The following SCARF1 variants were observed in gnomAD, a reference collection of about 807,000 sequenced individuals.
SCARF1 encodes scavenger receptor class F member 1.
Under a neutral mutation model 76.3 loss-of-function variants are expected in SCARF1, and 49 were observed. That is an observed-to-expected ratio of 0.64 (90% CI 0.51 to 0.81). The LOEUF (loss-of-function observed/expected upper bound fraction) is 0.81, where lower values mean the gene tolerates loss of function less well. Among genes scored for constraint, SCARF1 ranks in the 40% least tolerant of loss-of-function variants. The probability of loss-of-function intolerance (pLI) is 0.00; values close to 1 mark genes in which losing one functional copy is unlikely to be tolerated. For missense variants in SCARF1, 1,098 were observed against 1,143.9 expected (o/e 0.96, Z 0.58); for synonymous variants, 495 against 474.6 (o/e 1.04, Z -0.56).
chr17:1,634,249 C>T lies in SCARF1; in HGVS notation c.*509G>A, dbSNP rs1028275822. ...TAAATATACAAAAAAATTAGCCAAG[C>T]GTGGTGGAGGGCACCTGTAGTCCCA... On this transcript the variant is annotated 3_prime_UTR_variant, in exon 11 of 11. Coordinates refer to ENST00000263071, the MANE Select transcript of SCARF1 (RefSeq NM_003693.4). 5 of 178,172 alleles carry T rather than the reference C, an allele frequency of 2.8e-5. No individual in the cohort carries two copies. The highest frequency in any genetic ancestry group is 9.4e-5 in the African/African-American group (4 of 42,406). 11.0% of individuals were successfully genotyped at this position (178,172 alleles called of 1,614,324 possible).
Position 1,636,711 on chromosome 17 carries a change from T to G in SCARF1, c.1631A>C (p.Glu544Ala). ...TATGTGGGCTGTTGGGGGGCTACCT[T>G]CTTGGGGTGGCACACAGTAGGCAGG... ...EVPAYCVPPQ[E>A]GMVPVAQAGS... is the part of the protein sequence containing the mutation. Residue 544 changes from glutamate to alanine, a missense_variant and splice_region_variant, in exon 10 of 11, where the codon GAA (glutamate) becomes GCA (alanine). Glu to Ala is a moderately radical substitution (Grantham distance 107, BLOSUM62 -1). Coordinates refer to ENST00000263071, the MANE Select transcript of SCARF1 (RefSeq NM_003693.4). The G allele has an allele frequency of 6.2e-7, 1 of 1,613,744 alleles. No individual in the cohort carries two copies. Among genetic ancestry groups the G allele is most frequent in the East Asian group, 2.2e-5 (1 of 44,866 alleles).
In SCARF1 at chr17:1,634,105, T is replaced by A. The variant is rs1299191091; in HGVS notation, c.*653A>T. ...ACATACATCCTTTTTAAAAAGTTCA[T>A]AGACCAGGCGTGGTGGCTCATGCCT... On this transcript the variant is annotated 3_prime_UTR_variant, in exon 11 of 11. Transcript: ENST00000263071. 1 of 152,418 alleles carries A rather than the reference T, an allele frequency of 6.6e-6. No homozygotes were observed. The highest frequency in any genetic ancestry group is 1.5e-5 in the Non-Finnish European group (1 of 68,204). The allele number at this position is 152,418 out of a possible 1,614,324, so 9.4% of individuals were successfully genotyped here. A position where few individuals can be genotyped will look rare whatever the true frequency, so the allele number is the denominator to read the frequency against.
At chr17:1,643,042 T>C (rs1280178132) in intron 4 of SCARF1, among the ~76,000 whole-genome samples, 11 of 152,126 alleles carry the variant, frequency 7.2e-5, no homozygotes, top group South Asian at 2.1e-4. Context: ...GTATGTTTTT[T>C]GAGAGGAGCA....
chr17:1,642,922 G>A (rs1041059116), intron 4 of SCARF1, among the ~76,000 whole-genome samples: 2 of 152,076 alleles, frequency 1.3e-5, no homozygotes. Context: ...GGATGGTCTC[G>A]AACTCCTGAC....
In SCARF1 at chr17:1,645,155, G is replaced by A; in HGVS notation, c.163+23C>T. 1 of 1,613,738 alleles carries A rather than the reference G, an allele frequency of 6.2e-7. No individual in the cohort carries two copies. The highest frequency in any genetic ancestry group is 1.3e-5 in the African/African-American group (1 of 75,048). ...GCTACGGCCTCCCTTCTCCTTGGCT[G>A]AGGGTCTGTCCTGGCTACTCACGGA... On this transcript the variant is annotated intron_variant, in intron 2 of 10. Coordinates refer to ENST00000263071, the MANE Select transcript of SCARF1 (RefSeq NM_003693.4). The surrounding 1 kb of genome is among the most constrained non-coding windows in gnomAD (Gnocchi z 6.3).
rs1909983894 is a variant in SCARF1, at chr17:1,640,733, C to A, written c.792-67G>T. The A allele has an allele frequency of 8.2e-6, 12 of 1,466,724 alleles. No individual in the cohort carries two copies. Among genetic ancestry groups the A allele is most frequent in the Non-Finnish European group, 1.1e-5 (12 of 1,066,492 alleles). 90.9% of individuals were successfully genotyped at this position (1,466,724 alleles called of 1,614,324 possible). ...GATGGAGCGCCCACCCCCTCCTACC[C>A]CTGTACTCCACGCAGGCCTTCGGGG... On this transcript the variant is annotated intron_variant, in intron 4 of 10. Coordinates refer to ENST00000263071, the MANE Select transcript of SCARF1 (RefSeq NM_003693.4). This position sits in a 1 kb window ranked among gnomAD's most constrained non-coding sequence, Gnocchi z 4.7.
chr17:1,643,530 C>G lies in SCARF1; in HGVS notation c.703G>C (p.Gly235Arg). Residue 235 changes from glycine (G) to arginine (R), a missense_variant, in exon 4 of 11, where the codon GGC (glycine) becomes CGC (arginine). Coordinates refer to ENST00000263071, the MANE Select transcript of SCARF1 (RefSeq NM_003693.4). ...CVRGRCSAASGECTCPPGFRG... is the reference protein window; with the variant it reads ...CVRGRCSAASRECTCPPGFRG... ...AAGCCGGGCGGGCAGGTGCACTCGC[C>G]GGAGGCGGCGCTGCAGCGGCCCCGC... The G allele has an allele frequency of 7.1e-7, 1 of 1,403,392 alleles. No homozygotes were observed. 86.9% of individuals were successfully genotyped at this position (1,403,392 alleles called of 1,614,324 possible).
At chr17:1,642,698 C>T (rs769886309) in intron 4 of SCARF1, among the ~76,000 whole-genome samples, 2 of 152,046 alleles carry the variant, frequency 1.3e-5, no homozygotes, top group African/African-American at 2.4e-5. Flanking sequence ...GGCAACAAAG[C>T]GTTTTTAAAA....
chr17:1,635,398 C>T lies in SCARF1; in HGVS notation c.1853G>A (p.Arg618Lys), dbSNP rs35455643. 6.6e-3 allele frequency: 10,639 copies of T among 1,613,846 alleles called. 411 individuals are homozygous for T. The African/African-American group carries it at 0.096, about 15-fold the overall frequency. The stretch of plus-strand genomic sequence containing the variant: ...ACCCGACTGCGCCCCCCGGGAGAGC[C>T]TCTTGGGCTTTCGGAGCGGGCTGGA... The part of the protein sequence containing the change: ...ELSSPLRKPK[R>K]LSRGAQSGPE... Residue 618 changes from arginine to lysine, a missense_variant, in exon 11 of 11, where the codon AGG (arginine) becomes AAG (lysine). Arg to Lys is a conservative substitution (Grantham distance 26). Coordinates refer to ENST00000263071, the MANE Select transcript of SCARF1 (RefSeq NM_003693.4).
Position 1,643,981 on chromosome 17 carries a change from G to A in SCARF1, c.266-14C>T, listed in dbSNP as rs566179941. 5.6e-3 allele frequency: 7,332 copies of A among 1,314,362 alleles called. 34 individuals are homozygous for A. Among genetic ancestry groups the A allele is most frequent in the Non-Finnish European group, 6.5e-3 (6,774 of 1,034,448 alleles). 81.4% of individuals were successfully genotyped at this position (1,314,362 alleles called of 1,614,324 possible). Reference sequence around the variant, plus strand: ...GGCCCGGGCAGCCTGCGGGGGTGGGGACGGGAGGGGTCAGCGGGCTCAGGG... The same window carrying A: ...GGCCCGGGCAGCCTGCGGGGGTGGGAACGGGAGGGGTCAGCGGGCTCAGGG... On this transcript the variant is annotated splice_polypyrimidine_tract_variant and intron_variant, in intron 3 of 10. Transcript: ENST00000263071.
At position 1,637,062 on chromosome 17, in the gene SCARF1, C is replaced by A. The variant is rs1311384006; in HGVS notation, c.1365G>T (p.Arg455Ser). ...CWAPRSDLKD[R>S]PARDGATVSR... Reference sequence around the variant, plus strand: ...ACACGGTAGCTCCATCTCTCGCTGGCCTGAGGGAGGAGGGTAGGGACACTG... The same window carrying A: ...ACACGGTAGCTCCATCTCTCGCTGGACTGAGGGAGGAGGGTAGGGACACTG... Residue 455 changes from arginine (R) to serine (S), a missense_variant and splice_region_variant, in exon 9 of 11, where the codon AGG becomes AGT. Transcript: ENST00000263071. 1.2e-6 allele frequency: 2 copies of A among 1,613,690 alleles called. No individual in the cohort carries two copies. The highest frequency in any genetic ancestry group is 1.1e-5 in the South Asian group (1 of 91,070).
At position 1,644,305 on chromosome 17, in the gene SCARF1, T is replaced by A; in HGVS notation, c.266-338A>T. 1 of 312,798 alleles carries A rather than the reference T, an allele frequency of 3.2e-6. No homozygotes were observed. The highest frequency in any genetic ancestry group is 5.9e-6 in the Non-Finnish European group (1 of 170,404). 19.4% of individuals were successfully genotyped at this position (312,798 alleles called of 1,614,324 possible). ...GCTCCTCCCTGCCGAGATGGATCTC[T>A]GCTGGGCTGGAGGAGAGCTGGCTTT... On this transcript the variant is annotated intron_variant, in intron 3 of 10. Transcript: ENST00000263071. The surrounding 1 kb of genome is among the most constrained non-coding windows in gnomAD (Gnocchi z 4.8).
In SCARF1 at chr17:1,644,792, C is replaced by T. The variant is rs199510630; in HGVS notation, c.265+42G>A. 6,822 of 1,577,688 alleles carry T rather than the reference C, an allele frequency of 4.3e-3. 50 individuals carry two copies. The highest frequency in any genetic ancestry group is 4.2e-3 in the Non-Finnish European group (4,842 of 1,159,132). ...CTGCTCCCACACCACTGCCCCCGTA[C>T]CCAGCTCTGCCCAGCAACTTCATCT... On this transcript the variant is annotated intron_variant, in intron 3 of 10. Transcript: ENST00000263071. This position sits in a 1 kb window ranked among gnomAD's most constrained non-coding sequence, Gnocchi z 4.8.
chr17:1,640,297 C>A lies in SCARF1; in HGVS notation c.1010+151G>T, dbSNP rs944078286. The A allele has an allele frequency of 1.2e-6, 1 of 825,930 alleles. No individual in the cohort carries two copies. Among genetic ancestry groups the A allele is most frequent in the Non-Finnish European group, 1.9e-6 (1 of 534,146 alleles). The allele number at this position is 825,930 out of a possible 1,614,324, so 51.2% of individuals were successfully genotyped here. A position where few individuals can be genotyped will look rare whatever the true frequency, so the allele number is the denominator to read the frequency against. On this transcript the variant is annotated intron_variant, in intron 5 of 10. Coordinates refer to ENST00000263071, the MANE Select transcript of SCARF1 (RefSeq NM_003693.4). This position sits in a 1 kb window ranked among gnomAD's most constrained non-coding sequence, Gnocchi z 4.7. Reference sequence around the variant, plus strand: ...GGATCCTGCCCAGGCCCCCCCAGAACCCACTGCTCTCCCCCAGTCTTCAAC... The same window carrying A: ...GGATCCTGCCCAGGCCCCCCCAGAAACCACTGCTCTCCCCCAGTCTTCAAC...
At chr17:1,641,199 G>T (rs1910025526) in intron 4 of SCARF1, among the ~76,000 whole-genome samples, 1 of 152,238 alleles carries the variant, frequency 6.6e-6, no homozygotes, top group Non-Finnish European at 1.5e-5. Context: ...GAGATGACCA[G>T]CAGGGGAGCC....
chr17:1,640,806 TCA>T lies in SCARF1; in HGVS notation c.792-142_792-141del. The T allele has an allele frequency of 1.4e-6, 1 of 712,760 alleles. No individual in the cohort carries two copies. The highest frequency in any genetic ancestry group is 2.7e-5 in the East Asian group (1 of 36,774). The allele number at this position is 712,760 out of a possible 1,614,324, so 44.2% of individuals were successfully genotyped here. ...CACCTGGGTCAGGCAGGTTTGAGCC[TCA>T]GTTTCCCCACGTTGTACAATGAGGA... On this transcript the variant is annotated intron_variant, in intron 4 of 10. Transcript: ENST00000263071. The surrounding 1 kb of genome is among the most constrained non-coding windows in gnomAD (Gnocchi z 4.7).
intron 8 of SCARF1, 44 bp from the exon 9 acceptor site, chr17:1,637,106 C>T (rs1909642296): frequency 4.4e-6 from 7 of 1,597,874 alleles, no homozygotes; most frequent in Middle Eastern, 1.8e-4. Flanking sequence ...ATGAGACCCA[C>T]GGTGACCTGG....
Position 1,643,868 on chromosome 17 carries a change from G to T in SCARF1, c.365C>A (p.Ala122Asp). The T allele has an allele frequency of 2.3e-6, 3 of 1,298,510 alleles. No individual in the cohort carries two copies. Among genetic ancestry groups the T allele is most frequent in the Non-Finnish European group, 2.9e-6 (3 of 1,028,048 alleles). The allele number at this position is 1,298,510 out of a possible 1,614,324, so 80.4% of individuals were successfully genotyped here. A position where few individuals can be genotyped will look rare whatever the true frequency, so the allele number is the denominator to read the frequency against. ...EPATGACQCQ[A>D]DRWGARCEFP... is the part of the protein sequence containing the mutation. ...CTCGCAGCGGGCTCCCCAGCGGTCG[G>T]CCTGGCACTGGCACGCGCCCGTGGC... is the stretch of plus-strand genomic sequence containing the variant. Residue 122 changes from alanine to aspartate, a missense_variant, in exon 4 of 11, where the codon GCC (alanine) becomes GAC (aspartate). Coordinates refer to ENST00000263071, the MANE Select transcript of SCARF1 (RefSeq NM_003693.4).
At position 1,639,702 on chromosome 17, in the gene SCARF1, A is replaced by C; in HGVS notation, c.1180T>G (p.Cys394Gly). Residue 394 changes from cysteine to glycine, a missense_variant, in exon 7 of 11, where the codon TGC becomes GGC. Physicochemically the swap from Cys to Gly is radical, Grantham distance 159. Transcript: ENST00000263071. ...TCTGGGCATTCACAAGGAACTGAGC[A>C]GTTGTTTCCATGGAAACCGGCTGGG... ...SCPAGFHGNN[C>G]SVPCECPEGL... is the part of the protein sequence containing the mutation. 2 of 1,593,930 alleles carry C rather than the reference A, an allele frequency of 1.3e-6. No homozygotes were observed. The highest frequency in any genetic ancestry group is 2.3e-5 in the East Asian group (1 of 44,230).
Sources: allele counts gnomAD v4.1 joint callset (sites outside exome capture counted in the v4.1 genomes callset), GRCh38; gene constraint gnomAD v4.1.1; non-coding constraint Gnocchi (gnomAD v3.1); transcripts MANE v1.5; gene names NCBI Gene and HGNC (gene_info 2026-07-23, HGNC 2026-07-21).